The following KRT2 variants were observed in gnomAD, a reference collection of about 807,000 sequenced individuals.
KRT2 encodes keratin, type II cytoskeletal 2 epidermal.
KRT2 carries 37 observed loss-of-function variants against 48.5 expected under a neutral mutation model. The ratio of observed to expected loss-of-function variants is 0.76; its 90% CI spans 0.59 to 1.00. The LOEUF (loss-of-function observed/expected upper bound fraction) is 1.00. KRT2 is among the 50% of genes least tolerant of loss of function. The pLI is 0.00. For missense variants in KRT2, 880 were observed against 815.2 expected (o/e 1.08, Z -0.97); for synonymous variants, 324 against 312.2 (o/e 1.04, Z -0.40).
At position 52,648,255 on chromosome 12, in the gene KRT2, C is replaced by T. The variant is rs1941198691; in HGVS notation, c.1040G>A (p.Ser347Asn). ...CTGGGCCTTGACCTCGGCGATGATG[C>T]TATCCAAGTCCAGGTTGCGGCTGTT... is the stretch of plus-strand genomic sequence containing the variant. ...MDNSRNLDLD[S>N]IIAEVKAQYE... The change falls in exon 5 of 9, where the codon AGC becomes AAC. Residue 347 changes from serine (S) to asparagine (N), a missense_variant. By Grantham distance (46) the Ser-to-Asn change is conservative. Coordinates refer to ENST00000309680, the MANE Select transcript of KRT2 (RefSeq NM_000423.3). The T allele has an allele frequency of 6.2e-7, 1 of 1,614,028 alleles. No homozygotes were observed. The highest frequency in any genetic ancestry group is 8.5e-7 in the Non-Finnish European group (1 of 1,180,016).
chr12:52,644,981 T>C lies in KRT2; in HGVS notation c.*38A>G, dbSNP rs556949939. ...GCTTCTACATTCTGGAGTGGGAGAG[T>C]CTGGGTTGGGAGAGTCGGTGGTGGT... On this transcript the variant is annotated 3_prime_UTR_variant, in exon 9 of 9. Coordinates refer to ENST00000309680, the MANE Select transcript of KRT2 (RefSeq NM_000423.3). 1.7e-5 allele frequency: 28 copies of C among 1,611,036 alleles called. No homozygotes were observed. The Admixed American group carries it at 2.0e-4, about 12-fold the overall frequency.
rs764063275 is a variant in KRT2, at chr12:52,647,834, C to G, written c.1144G>C (p.Val382Leu). The change falls in exon 6 of 9, where the codon GTC becomes CTC. Residue 382 changes from valine to leucine, a missense_variant. Transcript: ENST00000309680. ...HSKYEELQVT[V>L]GRHGDSLKEI... Reference sequence around the variant, plus strand: ...TTCAGGCTGTCTCCATGTCTCCCGACAGTCACCTGGAGCTCCTCATACTGA... The same window carrying G: ...TTCAGGCTGTCTCCATGTCTCCCGAGAGTCACCTGGAGCTCCTCATACTGA... 1 of 1,614,130 alleles carries G rather than the reference C, an allele frequency of 6.2e-7. No individual in the cohort carries two copies. The highest frequency in any genetic ancestry group is 1.1e-5 in the South Asian group (1 of 91,058).
chr12:52,647,760 C>A lies in KRT2; in HGVS notation c.1218G>T (p.Leu406=), dbSNP rs777643828. The change falls in exon 6 of 9, where the codon CTG becomes CTT. Residue 406 remains leucine, a synonymous_variant. Coordinates refer to ENST00000309680, the MANE Select transcript of KRT2 (RefSeq NM_000423.3). The stretch of plus-strand genomic sequence containing the variant: ...TCTTCACATGTGCGATCTCCCCCTG[C>A]AGCCTCTGGATCACGCGGTTCAGCT... ...ISELNRVIQR[L]QGEIAHVKKQ... 2.5e-5 allele frequency: 40 copies of A among 1,613,900 alleles called. No individual in the cohort carries two copies. Among genetic ancestry groups the A allele is most frequent in the South Asian group, 3.3e-5 (3 of 91,006 alleles).
intron 2 of KRT2, 83 bp downstream of exon 2, chr12:52,650,256 G>C (rs1344851548): frequency 5.1e-6 from 6 of 1,184,524 alleles, no homozygotes; most frequent in Non-Finnish European, 7.6e-6. Context: ...AAATGCAACT[G>C]GGAGATGAAT....
At position 52,644,762 on chromosome 12, in the gene KRT2, A is replaced by C; in HGVS notation, c.*257T>G. On this transcript the variant is annotated 3_prime_UTR_variant, in exon 9 of 9. Coordinates refer to ENST00000309680, the MANE Select transcript of KRT2 (RefSeq NM_000423.3). ...GCAAAGAGGCATGGTGGGGGCGGGA[A>C]TGGGCATGGCTAGAAGCACAAACCT... 7.4e-6 allele frequency: 4 copies of C among 537,064 alleles called. No individual in the cohort carries two copies. Among genetic ancestry groups the C allele is most frequent in the Admixed American group, 3.1e-5 (1 of 31,830 alleles). The allele number at this position is 537,064 out of a possible 1,614,324, so 33.3% of individuals were successfully genotyped here.
Position 52,648,263 on chromosome 12 carries a change from G to A in KRT2, c.1032C>T (p.Asp344=), listed in dbSNP as rs749607804. 1 of 1,614,114 alleles carries A rather than the reference G, an allele frequency of 6.2e-7. No homozygotes were observed. Among genetic ancestry groups the A allele is most frequent in the Non-Finnish European group, 8.5e-7 (1 of 1,179,978 alleles). The change falls in exon 5 of 9, where the codon GAC becomes GAT. Residue 344 remains aspartate (D), a synonymous_variant. Coordinates refer to ENST00000309680, the MANE Select transcript of KRT2 (RefSeq NM_000423.3). Reference sequence around the variant, plus strand: ...TGACCTCGGCGATGATGCTATCCAAGTCCAGGTTGCGGCTGTTGTCCATGG... The same window carrying A: ...TGACCTCGGCGATGATGCTATCCAAATCCAGGTTGCGGCTGTTGTCCATGG... The part of the protein sequence containing the change: ...ILSMDNSRNL[D]LDSIIAEVKA...
In KRT2 at chr12:52,648,262, A is replaced by G. The variant is rs2120945344; in HGVS notation, c.1033T>C (p.Leu345=). ...LSMDNSRNLD[L]DSIIAEVKAQ... is the part of the protein sequence containing the mutation. ...TTGACCTCGGCGATGATGCTATCCA[A>G]GTCCAGGTTGCGGCTGTTGTCCATG... is the stretch of plus-strand genomic sequence containing the variant. Residue 345 remains leucine (L), a synonymous_variant, in exon 5 of 9, where the codon TTG becomes CTG. Transcript: ENST00000309680. 1 of 1,614,074 alleles carries G rather than the reference A, an allele frequency of 6.2e-7. No individual in the cohort carries two copies. Among genetic ancestry groups the G allele is most frequent in the South Asian group, 1.1e-5 (1 of 91,070 alleles).
At position 52,651,987 on chromosome 12, in the gene KRT2, G is replaced by A. The variant is rs761398682; in HGVS notation, c.156C>T (p.Gly52=). The A allele has an allele frequency of 3.7e-6, 6 of 1,612,822 alleles. No homozygotes were observed. The highest frequency in any genetic ancestry group is 3.3e-5 in the South Asian group (3 of 91,058). The change falls in exon 1 of 9, where the codon GGC becomes GGT. Residue 52 remains glycine, a synonymous_variant. Transcript: ENST00000309680. ...GACTGCCAAAGCCGCCTCCACCGAA[G>A]CCCCCGCCACCACCACCATGGCGGC... is the stretch of plus-strand genomic sequence containing the variant. ...CLSRHGGGGG[G]FGGGGFGSRS...
chr12:52,647,607 T>A, intron 6 of KRT2, 123 bp downstream of exon 6: 1 of 1,169,588 alleles, frequency 8.6e-7, no homozygotes, highest in Non-Finnish European at 1.2e-6. Context: ...TTGGGATCGA[T>A]ACATGCTAGA....
chr12:52,650,710 C>A (rs921486776), intron 1 of KRT2, 157 bp from the exon 2 acceptor site: 2 of 703,108 alleles, frequency 2.8e-6, no homozygotes, highest in Non-Finnish European at 5.2e-6. Flanking sequence ...GAGCTCCCTG[C>A]TTTCGCCCCT....
intron 4 of KRT2, 86 bp from the exon 5 acceptor site, chr12:52,648,423 CG>C: frequency 8.9e-7 from 1 of 1,125,992 alleles, no homozygotes. Context: ...ATAAGGGAAA[CG>C]CAGACCCTCA....
Position 52,647,074 on chromosome 12 carries a change from G to A in KRT2, c.1249-114C>T, listed in dbSNP as rs1331941884. 8.5e-6 allele frequency: 8 copies of A among 938,424 alleles called. No individual in the cohort carries two copies. The South Asian group carries it at 9.3e-5, about 11-fold the overall frequency. 58.1% of individuals were successfully genotyped at this position (938,424 alleles called of 1,614,324 possible). A position where few individuals can be genotyped will look rare whatever the true frequency, so the allele number is the denominator to read the frequency against. On this transcript the variant is annotated intron_variant, in intron 6 of 8. Transcript: ENST00000309680. The stretch of plus-strand genomic sequence containing the variant: ...GCCCTGGGAGTGTTAGGTCCCCTCT[G>A]GAGTTTAGTCGCAAACAACTGTGCT...
At chr12:52,649,147 G>A (rs1941212775) in intron 3 of KRT2, 45 bp from the exon 4 acceptor site, 2 of 1,199,002 alleles carry the variant, frequency 1.7e-6, no homozygotes, top group South Asian at 2.4e-5. Context: ...CCCTGTACAG[G>A]CCTCTTCCTC....
At chr12:52,650,832 C>A (rs889932357) in intron 1 of KRT2, among the ~76,000 whole-genome samples, 1 of 152,198 alleles carries the variant, frequency 6.6e-6, no homozygotes, top group African/African-American at 2.4e-5. Context: ...TACTCTAGAC[C>A]ATTTCCCTCC....
intron 1 of KRT2, 22 bp from the exon 2 acceptor site, chr12:52,650,575 C>T (rs985006852): frequency 3.8e-6 from 6 of 1,598,836 alleles, no homozygotes; most frequent in Non-Finnish European, 5.1e-6. Context: ...AGAAGGAGAG[C>T]ACATGAGTTC....
At position 52,649,052 on chromosome 12, in the gene KRT2, G is replaced by T; in HGVS notation, c.912C>A (p.Asp304Glu). The T allele has an allele frequency of 6.2e-7, 1 of 1,613,566 alleles. No homozygotes were observed. Among genetic ancestry groups the T allele is most frequent in the South Asian group, 1.1e-5 (1 of 91,072 alleles). ...GAAACTCAATTTCCTGGTTCAGCAG[G>T]TCCACCTTGGACTGCAACTCCACCT... ...MIKVELQSKV[D>E]LLNQEIEFLK... The change falls in exon 4 of 9, where the codon GAC (aspartate) becomes GAA (glutamate). Residue 304 changes from aspartate to glutamate, a missense_variant. Asp to Glu is a conservative substitution (Grantham distance 45). Coordinates refer to ENST00000309680, the MANE Select transcript of KRT2 (RefSeq NM_000423.3).
Position 52,647,831 on chromosome 12 carries a change from C to A in KRT2, c.1147G>T (p.Gly383Trp). ...TCTTTCAGGCTGTCTCCATGTCTCC[C>A]GACAGTCACCTGGAGCTCCTCATAC... ...SKYEELQVTV[G>W]RHGDSLKEIK... is the part of the protein sequence containing the mutation. Residue 383 changes from glycine to tryptophan, a missense_variant, in exon 6 of 9, where the codon GGG (glycine) becomes TGG (tryptophan). By Grantham distance (184) the Gly-to-Trp change is radical (BLOSUM62 -2). Transcript: ENST00000309680. 2 of 1,614,036 alleles carry A rather than the reference C, an allele frequency of 1.2e-6. No individual in the cohort carries two copies. The highest frequency in any genetic ancestry group is 1.7e-6 in the Non-Finnish European group (2 of 1,179,976).
At position 52,651,706 on chromosome 12, in the gene KRT2, T is replaced by C. The variant is rs1310547154; in HGVS notation, c.437A>G (p.Tyr146Cys). Residue 146 changes from tyrosine to cysteine, a missense_variant, in exon 1 of 9, where the codon TAC becomes TGC. Transcript: ENST00000309680. ...GGPGGFGPGGYPGGIHEVSVN... is the reference protein window; with the variant it reads ...GGPGGFGPGGCPGGIHEVSVN... ...AGAGACTTCGTGGATGCCACCAGGGTATCCTCCAGGCCCAAAGCCACCAGG... is the reference window on the plus strand; with the variant it reads ...AGAGACTTCGTGGATGCCACCAGGGCATCCTCCAGGCCCAAAGCCACCAGG... The C allele has an allele frequency of 1.2e-6, 2 of 1,613,774 alleles. No individual in the cohort carries two copies. The highest frequency in any genetic ancestry group is 2.2e-5 in the South Asian group (2 of 91,036).
rs1216944632 is a variant in KRT2, at chr12:52,646,778, G to C, written c.1431C>G (p.Ile477Met). The C allele has an allele frequency of 6.2e-7, 1 of 1,613,982 alleles. No individual in the cohort carries two copies. The highest frequency in any genetic ancestry group is 1.3e-5 in the African/African-American group (1 of 74,900). ...MNVKLALDVE[I>M]ATYRKLLEGE... ...CCTCCAGCAGTTTGCGGTAGGTGGC[G>C]ATCTCCACATCTAGGGCCAGCTTCA... The change falls in exon 7 of 9, where the codon ATC (isoleucine) becomes ATG (methionine). Residue 477 changes from isoleucine to methionine, a missense_variant. By Grantham distance (10) the Ile-to-Met change is conservative. Coordinates refer to ENST00000309680, the MANE Select transcript of KRT2 (RefSeq NM_000423.3).
Sources: gnomAD v4.1 joint callset for allele counts (sites outside exome capture counted in the v4.1 genomes callset) on GRCh38, gnomAD v4.1.1 for gene constraint, MANE v1.5 for transcripts, NCBI Gene and HGNC (gene_info 2026-07-23, HGNC 2026-07-21) for gene names.